Variants in DENND1A observed in about 807,000 individuals in gnomAD.
The protein encoded by DENND1A is DENN domain-containing protein 1A.
DENND1A carries 51 observed loss-of-function variants against 113.7 expected under a neutral mutation model. The ratio of observed to expected loss-of-function variants is 0.45; its 90% CI spans 0.36 to 0.57. The LOEUF (loss-of-function observed/expected upper bound fraction) is 0.57, where lower values mean the gene tolerates loss of function less well. Ranked by LOEUF, DENND1A falls within the 20% of genes least tolerant of loss-of-function variation. DENND1A has a pLI of 0.00. For missense variants in DENND1A, 1,258 were observed against 1,395.9 expected (o/e 0.90, Z 1.57); for synonymous variants, 565 against 570.8 (o/e 0.99, Z 0.14).
chr9:123,870,866 A>G (rs766554382), intron 2 of DENND1A, among the ~76,000 whole-genome samples: 35 of 152,166 alleles, frequency 2.3e-4, no homozygotes, highest in Non-Finnish European at 4.3e-4. Context: ...AGAAAGTAAT[A>G]TTAAGAAAAG....
chr9:123,644,619 G>A (rs1015562177), intron 9 of DENND1A, among the ~76,000 whole-genome samples: 1 of 152,124 alleles, frequency 6.6e-6, no homozygotes, highest in Non-Finnish European at 1.5e-5. Context: ...TTAAGTAATG[G>A]CACCCAATAG....
At chr9:123,498,166 C>G (rs10986029) in intron 13 of DENND1A, among the ~76,000 whole-genome samples, 19,232 of 152,192 alleles carry the variant, frequency 0.13, 1,439 homozygotes, top group African/African-American at 0.21. Flanking sequence ...GAGTTCTGTA[C>G]AACATAGGAG....
At chr9:123,850,891 G>A (rs1182574495) in intron 2 of DENND1A, among the ~76,000 whole-genome samples, 1 of 152,056 alleles carries the variant, frequency 6.6e-6, no homozygotes, top group African/African-American at 2.4e-5. Context: ...GGAAAAAATT[G>A]AATGATTAAA....
intron 21 of DENND1A, chr9:123,402,614 G>C (rs754874230): frequency 1.9e-6 from 1 of 534,620 alleles, no homozygotes; most frequent in African/African-American, 1.9e-5. Context: ...CTTTTTCAAG[G>C]CATCACAGGA....
chr9:123,397,067 C>G (rs1457777979), intron 21 of DENND1A, among the ~76,000 whole-genome samples: 1 of 152,182 alleles, frequency 6.6e-6, no homozygotes, highest in Non-Finnish European at 1.5e-5. Flanking sequence ...CATAAGACCT[C>G]CCCCTACATA....
At chr9:123,835,826 C>T (rs17218298) in intron 2 of DENND1A, among the ~76,000 whole-genome samples, 5,477 of 152,202 alleles carry the variant, frequency 0.036, 103 homozygotes, top group Middle Eastern at 0.048. Context: ...GTCCTTTGGG[C>T]TTCCTGAGGA....
At chr9:123,645,449 A>G (rs1243344329) in intron 9 of DENND1A, among the ~76,000 whole-genome samples, 1 of 152,196 alleles carries the variant, frequency 6.6e-6, no homozygotes, top group Non-Finnish European at 1.5e-5. Context: ...AAAAGATAAT[A>G]AAAAGCCACT....
chr9:123,685,814 C>T (rs1438360373), intron 5 of DENND1A, among the ~76,000 whole-genome samples: 2 of 152,040 alleles, frequency 1.3e-5, no homozygotes, highest in African/African-American at 4.8e-5. Context: ...CATCATTTTC[C>T]TAGGAGAGTT....
chr9:123,818,585 A>T (rs999673138), intron 2 of DENND1A, among the ~76,000 whole-genome samples: 6 of 148,146 alleles, frequency 4.1e-5, no homozygotes, highest in South Asian at 2.1e-4. Context: ...TATATATATA[A>T]AATGAGATCT....
intron 2 of DENND1A, among the ~76,000 whole-genome samples, chr9:123,818,634 A>G (rs1224578789): frequency 6.6e-6 from 1 of 151,732 alleles, no homozygotes; most frequent in African/African-American, 2.4e-5. Context: ...ATTCATTTAC[A>G]TTTCGTACAT....
chr9:123,756,424 A>G (rs904877892), intron 5 of DENND1A, among the ~76,000 whole-genome samples: 1 of 152,204 alleles, frequency 6.6e-6, no homozygotes, highest in Non-Finnish European at 1.5e-5. Flanking sequence ...AATCATTTAC[A>G]TCAAATTCTA....
intron 2 of DENND1A, among the ~76,000 whole-genome samples, chr9:123,818,008 C>A (rs1406045174): frequency 6.6e-6 from 1 of 151,044 alleles, no homozygotes; most frequent in African/African-American, 2.4e-5. Context: ...GCCTGACCAA[C>A]AGAGTGAGAC....
chr9:123,789,098 C>T (rs1398722907), intron 3 of DENND1A, among the ~76,000 whole-genome samples: 2 of 148,904 alleles, frequency 1.3e-5, no homozygotes, highest in African/African-American at 5.0e-5. Context: ...ATATAGGCAA[C>T]GCATGACTTT....
intron 8 of DENND1A, among the ~76,000 whole-genome samples, chr9:123,665,628 G>C (rs1320936280): frequency 6.6e-6 from 1 of 152,076 alleles, no homozygotes; most frequent in Non-Finnish European, 1.5e-5. Context: ...TCCTTTCTGT[G>C]AATCTACAAT....
intron 13 of DENND1A, among the ~76,000 whole-genome samples, chr9:123,490,845 C>A (rs73665306): frequency 0.057 from 8,753 of 152,326 alleles, 818 homozygotes; most frequent in African/African-American, 0.2. Flanking sequence ...GCACATCTCC[C>A]TTTGGGCGAG....
intron 23 of DENND1A, 48 bp downstream of exon 23, chr9:123,383,607 C>T (rs375183903): frequency 2.7e-4 from 431 of 1,579,876 alleles, no homozygotes; most frequent in South Asian, 2.0e-3. Flanking sequence ...ACCTCGTGTG[C>T]GGACAGTGCC....
chr9:123,421,423 A>G (rs1399609365), intron 19 of DENND1A, among the ~76,000 whole-genome samples: 1 of 152,072 alleles, frequency 6.6e-6, no homozygotes, highest in Non-Finnish European at 1.5e-5. Context: ...ACATACCAAC[A>G]GCAGAAGAAG....
At chr9:123,449,318 C>T (rs980648287) in intron 18 of DENND1A, among the ~76,000 whole-genome samples, 10 of 152,114 alleles carry the variant, frequency 6.6e-5, no homozygotes, top group South Asian at 2.1e-4. Context: ...AGGCGGATCA[C>T]GAGGTCAGGA....
intron 2 of DENND1A, among the ~76,000 whole-genome samples, chr9:123,877,819 T>A (rs756969189): frequency 6.6e-6 from 1 of 151,906 alleles, no homozygotes; most frequent in Non-Finnish European, 1.5e-5. Context: ...AGCAATTCCA[T>A]CTCATGAAAA....
Sources: gnomAD v4.1 joint callset for allele counts (sites outside exome capture counted in the v4.1 genomes callset) on GRCh38, gnomAD v4.1.1 for gene constraint, MANE v1.5 for transcripts, NCBI Gene and HGNC (gene_info 2026-07-23, HGNC 2026-07-21) for gene names.